Variants in CFAP299 observed in about 807,000 individuals in gnomAD.
CFAP299 encodes cilia- and flagella-associated protein 299.
CFAP299 carries 21 observed loss-of-function variants against 27.0 expected under a neutral mutation model. The ratio of observed to expected loss-of-function variants is 0.78; its 90% CI spans 0.55 to 1.12. CFAP299 has a LOEUF of 1.12. Ranked by LOEUF, CFAP299 falls within the 50% of genes most tolerant of loss-of-function variation. CFAP299 has a pLI of 0.00. For synonymous variants in CFAP299, 104 were observed against 98.1 expected (o/e 1.06, Z -0.36); for missense variants, 310 against 276.6 (o/e 1.12, Z -0.86).
At chr4:80,490,383 A>G (rs990709058) in intron 2 of CFAP299, among the ~76,000 whole-genome samples, 1 of 152,160 alleles carries the variant, frequency 6.6e-6, no homozygotes, top group Admixed American at 6.5e-5. Context: ...ACCTGCCTAT[A>G]CTTGTCTCTC....
At chr4:80,388,152 G>A (rs899181889) in intron 2 of CFAP299, 7 of 668,272 alleles carry the variant, frequency 1.0e-5, no homozygotes, top group Non-Finnish European at 1.6e-5. Context: ...CTGTGGGGTG[G>A]AGGTGGTGAG....
At chr4:80,693,842 TA>T (rs527320514) in intron 3 of CFAP299, among the ~76,000 whole-genome samples, 1,911 of 144,574 alleles carry the variant, frequency 0.013, 18 homozygotes, top group Non-Finnish European at 0.014. Flanking sequence ...CATCTGTTAA[TA>T]AAAAAAAAAA....
intron 1 of CFAP299, among the ~76,000 whole-genome samples, chr4:80,362,178 T>A (rs1327280249): frequency 6.6e-6 from 1 of 151,960 alleles, no homozygotes; most frequent in African/African-American, 2.4e-5. Flanking sequence ...TTTTCTGTTT[T>A]TATTGGTACC....
At chr4:80,855,285 G>A (rs948086508) in intron 3 of CFAP299, among the ~76,000 whole-genome samples, 7 of 152,030 alleles carry the variant, frequency 4.6e-5, no homozygotes, top group Admixed American at 1.3e-4. Flanking sequence ...ATTCATCACT[G>A]TACCAATGAT....
intron 3 of CFAP299, among the ~76,000 whole-genome samples, chr4:80,865,505 T>G (rs1050359376): frequency 2.0e-5 from 3 of 152,198 alleles, no homozygotes; most frequent in Non-Finnish European, 2.9e-5. Context: ...ATTTAAAAGA[T>G]GTATTTCTAA....
At chr4:80,619,792 T>A (rs952116632) in intron 3 of CFAP299, among the ~76,000 whole-genome samples, 2 of 152,100 alleles carry the variant, frequency 1.3e-5, no homozygotes, top group Non-Finnish European at 2.9e-5. Context: ...AATAGACATA[T>A]AATATATTGT....
chr4:80,729,053 A>G (rs1208206287), intron 3 of CFAP299, among the ~76,000 whole-genome samples: 1 of 152,334 alleles, frequency 6.6e-6, no homozygotes, highest in Non-Finnish European at 1.5e-5. Context: ...AATAAAATGC[A>G]GATGCATCTT....
chr4:80,785,375 T>C (rs534675437), intron 3 of CFAP299, among the ~76,000 whole-genome samples: 78 of 152,290 alleles, frequency 5.1e-4, no homozygotes, highest in African/African-American at 1.8e-3. Context: ...CCACTGTCCT[T>C]GAGCTAAAAT....
intron 2 of CFAP299, among the ~76,000 whole-genome samples, chr4:80,456,778 T>C (rs1357349975): frequency 6.6e-6 from 1 of 152,146 alleles, no homozygotes; most frequent in East Asian, 1.9e-4. Flanking sequence ...CTGTGACTCA[T>C]GCATGTAATC....
At chr4:80,684,548 G>A (rs148171528) in intron 3 of CFAP299, among the ~76,000 whole-genome samples, 3,185 of 152,246 alleles carry the variant, frequency 0.021, 80 homozygotes, top group South Asian at 0.061. Flanking sequence ...GATTACAGGC[G>A]TGAGCCACTG....
chr4:80,843,909 A>G (rs996800743), intron 3 of CFAP299, among the ~76,000 whole-genome samples: 4 of 149,376 alleles, frequency 2.7e-5, no homozygotes, highest in African/African-American at 9.9e-5. Context: ...ATCCCTCCCC[A>G]CTCTCCACAA....
chr4:80,875,885 T>C (rs1391397548), intron 4 of CFAP299, among the ~76,000 whole-genome samples: 1 of 151,988 alleles, frequency 6.6e-6, no homozygotes, highest in Non-Finnish European at 1.5e-5. Flanking sequence ...TCTTAGATTC[T>C]AGAGGTCATA....
intron 2 of CFAP299, among the ~76,000 whole-genome samples, chr4:80,426,163 G>C (rs1267218598): frequency 6.6e-6 from 1 of 150,834 alleles, no homozygotes; most frequent in African/African-American, 2.4e-5. Context: ...AAGACAGTCT[G>C]ACATTTAACA....
chr4:80,717,787 G>A (rs1722575616), intron 3 of CFAP299, among the ~76,000 whole-genome samples: 1 of 152,066 alleles, frequency 6.6e-6, no homozygotes, highest in Admixed American at 6.6e-5. Context: ...AGGAAAAATA[G>A]TCTAATTCTC....
At chr4:80,352,202 A>G (rs138724710) in intron 1 of CFAP299, among the ~76,000 whole-genome samples, 231 of 152,342 alleles carry the variant, frequency 1.5e-3, no homozygotes, top group African/African-American at 5.1e-3. Context: ...GTTTCTAGAG[A>G]CATAAACATT....
intron 2 of CFAP299, among the ~76,000 whole-genome samples, chr4:80,365,291 C>T (rs950270648): frequency 6.6e-6 from 1 of 152,200 alleles, no homozygotes; most frequent in African/African-American, 2.4e-5. Flanking sequence ...ACCATTCTGA[C>T]TGGCATGAGA....
At chr4:80,507,389 G>T (rs958759738) in intron 2 of CFAP299, among the ~76,000 whole-genome samples, 3 of 152,082 alleles carry the variant, frequency 2.0e-5, no homozygotes, top group South Asian at 4.1e-4. Context: ...TTAAACTATT[G>T]TTAGTGTATT....
At chr4:80,445,466 T>C (rs567186136) in intron 2 of CFAP299, among the ~76,000 whole-genome samples, 2 of 151,846 alleles carry the variant, frequency 1.3e-5, no homozygotes, top group South Asian at 2.1e-4. Flanking sequence ...TAAGTGGGAG[T>C]TGAACAGTGA....
intron 2 of CFAP299, among the ~76,000 whole-genome samples, chr4:80,389,255 T>A (rs1317626692): frequency 6.6e-6 from 1 of 152,216 alleles, no homozygotes; most frequent in African/African-American, 2.4e-5. Flanking sequence ...TAATCATTCC[T>A]ACCTAGTATT....
Sources: gnomAD v4.1 joint callset for allele counts (sites outside exome capture counted in the v4.1 genomes callset) on GRCh38, gnomAD v4.1.1 for gene constraint, MANE v1.5 for transcripts, NCBI Gene and HGNC (gene_info 2026-07-23, HGNC 2026-07-21) for gene names.